Variants in DOCK1 observed in about 807,000 individuals in gnomAD.
DOCK1 encodes dedicator of cytokinesis 1.
Under a neutral mutation model 262.7 loss-of-function variants are expected in DOCK1, and 138 were observed. The ratio of observed to expected loss-of-function variants is 0.53; its 90% CI spans 0.46 to 0.61. The LOEUF is 0.61. Among genes scored for constraint, DOCK1 ranks in the 20% least tolerant of loss-of-function variants. The pLI is 0.00. For synonymous variants in DOCK1, 866 were observed against 867.4 expected (o/e 1.00, Z 0.03); for missense variants, 1,908 against 2,370.7 (o/e 0.80, Z 4.05).
At chr10:127,346,842 G>A (rs2063656240) in intron 31 of DOCK1, among the ~76,000 whole-genome samples, 1 of 152,212 alleles carries the variant, frequency 6.6e-6, no homozygotes, top group South Asian at 2.1e-4. Flanking sequence ...TCCCCAGGCA[G>A]TTCAGAAGTT....
At chr10:127,035,830 C>T (rs990705194) in intron 18 of DOCK1, among the ~76,000 whole-genome samples, 3 of 151,702 alleles carry the variant, frequency 2.0e-5, no homozygotes, top group Middle Eastern at 3.4e-3. Flanking sequence ...GGCAACATGG[C>T]GAGTCCCTGT....
intron 29 of DOCK1, among the ~76,000 whole-genome samples, chr10:127,308,301 G>A (rs1043194871): frequency 1.3e-5 from 2 of 152,308 alleles, no homozygotes; most frequent in African/African-American, 2.4e-5. Context: ...TTGCCACCTC[G>A]TTGGTGGAGG....
intron 29 of DOCK1, 112 bp from the exon 30 acceptor site, chr10:127,338,894 T>C: frequency 3.3e-6 from 3 of 902,390 alleles, no homozygotes; most frequent in Non-Finnish European, 5.1e-6. Context: ...TGCGCAAGAC[T>C]TGGAGAGTTC....
chr10:127,444,234 C>T lies in DOCK1; in HGVS notation c.5368C>T (p.Pro1790Ser). The part of the protein sequence containing the change: ...PSSPSSQQTP[P>S]PVTPRAKLSF... ...GTCACCGTCCTCCCAGCAAACACCC[C>T]CTCCAGTTACACCAAGGGCCAAGCT... is the stretch of plus-strand genomic sequence containing the variant. The change falls in exon 50 of 52, where the codon CCT (proline) becomes TCT (serine). Residue 1790 changes from proline (P) to serine (S), a missense_variant. By Grantham distance (74) the Pro-to-Ser change is moderately conservative. Transcript: ENST00000623213. 1 of 1,612,222 alleles carries T rather than the reference C, an allele frequency of 6.2e-7. No individual in the cohort carries two copies. Among genetic ancestry groups the T allele is most frequent in the East Asian group, 2.2e-5 (1 of 44,800 alleles).
chr10:127,052,070 T>G (rs1174805229), intron 21 of DOCK1, among the ~76,000 whole-genome samples: 1 of 152,246 alleles, frequency 6.6e-6, no homozygotes, highest in Admixed American at 6.5e-5. Flanking sequence ...CCTGGTTTCC[T>G]CATCCATTAA....
At chr10:127,375,466 TC>T (rs746278960) in intron 35 of DOCK1, among the ~76,000 whole-genome samples, 5 of 152,366 alleles carry the variant, frequency 3.3e-5, no homozygotes, top group Non-Finnish European at 7.3e-5. Flanking sequence ...CACTGCCACA[TC>T]CACCCCTTGT....
At chr10:127,358,485 G>A (rs1053460344) in intron 32 of DOCK1, among the ~76,000 whole-genome samples, 1 of 152,196 alleles carries the variant, frequency 6.6e-6, no homozygotes, top group African/African-American at 2.4e-5. Flanking sequence ...GCCTGCCGGA[G>A]CACCTGATCT....
chr10:127,451,731 T>C lies in DOCK1; in HGVS notation c.*304T>C, dbSNP rs376401838. On this transcript the variant is annotated 3_prime_UTR_variant, in exon 52 of 52. Transcript: ENST00000623213. ...AGTCTTGCCCAAACATTCTTTCTTT[T>C]TGTGCCAAATGACTTGCATTTGCAA... The C allele has an allele frequency of 4.7e-6, 2 of 424,926 alleles. No homozygotes were observed. The highest frequency in any genetic ancestry group is 2.6e-5 in the South Asian group (1 of 38,128). The allele number at this position is 424,926 out of a possible 1,614,324, so 26.3% of individuals were successfully genotyped here.
intron 23 of DOCK1, among the ~76,000 whole-genome samples, chr10:127,095,024 A>G (rs1032597537): frequency 6.6e-6 from 1 of 152,192 alleles, no homozygotes; most frequent in Non-Finnish European, 1.5e-5. Flanking sequence ...AAGTGAAAAA[A>G]CAAAAAGAAT....
Position 127,236,708 on chromosome 10 carries a change from T to G in DOCK1, c.2848-11300T>G, listed in dbSNP as rs752770398. On this transcript the variant is annotated intron_variant, in intron 27 of 51. Coordinates refer to ENST00000623213, the MANE Select transcript of DOCK1 (RefSeq NM_001290223.2). ...CTTATTTGACTCCCGTGTCAATGTT[T>G]TGTGTGTTTCAGTATACAATTTTGT... is the stretch of plus-strand genomic sequence containing the variant. 9.7e-4 allele frequency among the ~76,000 whole-genome samples: 147 copies of G among 152,104 alleles called. 2 individuals are homozygous for G. Among genetic ancestry groups the G allele is most frequent in the Non-Finnish European group, 8.1e-4 (55 of 68,006 alleles).
Position 127,052,828 on chromosome 10 carries a change from C to A in DOCK1, c.2336+13C>A, listed in dbSNP as rs373342855. 12 of 1,601,176 alleles carry A rather than the reference C, an allele frequency of 7.5e-6. No individual in the cohort carries two copies. The highest frequency in any genetic ancestry group is 1.0e-5 in the Non-Finnish European group (12 of 1,173,310). ...TCCTGTTCAATCAGTGCGTACCTAT[C>A]CCCTCCATGCCCGGGCTCTCAGAGG... is the stretch of plus-strand genomic sequence containing the variant. On this transcript the variant is annotated intron_variant, in intron 22 of 51. Transcript: ENST00000623213.
chr10:127,223,907 A>C (rs188009921), intron 27 of DOCK1, among the ~76,000 whole-genome samples: 6 of 152,272 alleles, frequency 3.9e-5, no homozygotes, highest in Admixed American at 2.6e-4. Flanking sequence ...TCTCAGCATC[A>C]AGGGACAGGA....
intron 23 of DOCK1, among the ~76,000 whole-genome samples, chr10:127,076,534 C>T (rs1318959406): frequency 6.6e-6 from 1 of 152,126 alleles, no homozygotes; most frequent in Non-Finnish European, 1.5e-5. Context: ...AACCAGAAAA[C>T]GGGTCGTGGC....
intron 1 of DOCK1, among the ~76,000 whole-genome samples, chr10:126,949,180 C>T (rs890186730): frequency 6.6e-6 from 1 of 152,020 alleles, no homozygotes; most frequent in Non-Finnish European, 1.5e-5. Context: ...CATTGATTCC[C>T]GAAGGTGTTT....
At chr10:127,158,892 T>C (rs878864995) in intron 27 of DOCK1, among the ~76,000 whole-genome samples, 2 of 152,090 alleles carry the variant, frequency 1.3e-5, no homozygotes, top group African/African-American at 2.4e-5. Context: ...GGAGCTCTCT[T>C]TTTTTGGTGC....
At chr10:127,363,013 CCA>C (rs768899518) in intron 33 of DOCK1, among the ~76,000 whole-genome samples, 36 of 37,176 alleles carry the variant, frequency 9.7e-4, no homozygotes, top group South Asian at 1.8e-3. Flanking sequence ...ACGCACATCC[CCA>C]CACACACACA....
intron 29 of DOCK1, among the ~76,000 whole-genome samples, chr10:127,278,067 G>A (rs954065767): frequency 6.6e-6 from 1 of 152,184 alleles, no homozygotes; most frequent in African/African-American, 2.4e-5. Context: ...CCTCTTAGCT[G>A]TAGACACCAC....
intron 29 of DOCK1, among the ~76,000 whole-genome samples, chr10:127,338,016 G>A (rs2063276645): frequency 6.6e-6 from 1 of 152,174 alleles, no homozygotes; most frequent in East Asian, 1.9e-4. Flanking sequence ...GCCAGGGCGT[G>A]GGGAGCTTCT....
intron 27 of DOCK1, among the ~76,000 whole-genome samples, chr10:127,227,943 C>T (rs943249147): frequency 6.6e-6 from 1 of 152,180 alleles, no homozygotes; most frequent in Non-Finnish European, 1.5e-5. Flanking sequence ...CATTCATCTG[C>T]CTCCCAGTGT....
Sources: gnomAD v4.1 joint callset for allele counts (sites outside exome capture counted in the v4.1 genomes callset) on GRCh38, gnomAD v4.1.1 for gene constraint, MANE v1.5 for transcripts, NCBI Gene and HGNC (gene_info 2026-07-23, HGNC 2026-07-21) for gene names.